The following RECK variants were observed in gnomAD, a reference collection of about 807,000 sequenced individuals.
RECK encodes reversion-inducing cysteine-rich protein with Kazal motifs.
In RECK, 69 loss-of-function variants were observed where a neutral mutation model predicts 115.1. The ratio of observed to expected loss-of-function variants is 0.60; its 90% CI spans 0.49 to 0.73. RECK has a LOEUF of 0.73. Among genes scored for constraint, RECK ranks in the 30% least tolerant of loss-of-function variants. The pLI, the probability that RECK is intolerant of heterozygous loss-of-function variation, is 0.00. For missense variants in RECK, 1,047 were observed against 1,203.7 expected, an observed-to-expected ratio of 0.87 and a Z score of 1.93; for synonymous variants, 414 against 419.7, an observed-to-expected ratio of 0.99 and a Z score of 0.17.
At position 36,083,499 on chromosome 9, in the gene RECK, C is replaced by T. The variant is rs748071020; in HGVS notation, c.574C>T (p.Pro192Ser). 2 of 1,613,980 alleles carry T rather than the reference C, an allele frequency of 1.2e-6. No individual in the cohort carries two copies. Among genetic ancestry groups the T allele is most frequent in the East Asian group, 4.5e-5 (2 of 44,876 alleles). The change falls in exon 8 of 21, where the codon CCA becomes TCA. Residue 192 changes from proline to serine, a missense_variant. Physicochemically the swap from Pro to Ser is moderately conservative, Grantham distance 74. Coordinates refer to ENST00000377966, the MANE Select transcript of RECK (RefSeq NM_021111.3). ...AVENYCASISPQLIHCVNNYT... is the reference protein window; with the variant it reads ...AVENYCASISSQLIHCVNNYT... ...GGAAAATTATTGCGCCTCTATTAGT[C>T]CACAATTAATACATTGTGTGAACAA...
intron 16 of RECK, among the ~76,000 whole-genome samples, chr9:36,116,469 G>A (rs1824272011): frequency 2.0e-5 from 3 of 152,164 alleles, no homozygotes; most frequent in Admixed American, 6.5e-5. Context: ...CAAGCTGAAA[G>A]TTAAGCCCGT....
At chr9:36,064,352 T>C (rs1304358285) in intron 5 of RECK, among the ~76,000 whole-genome samples, 1 of 152,210 alleles carries the variant, frequency 6.6e-6, no homozygotes, top group African/African-American at 2.4e-5. Context: ...TTATTACTTA[T>C]CTTTGATTTG....
At chr9:36,104,509 A>AG (rs1396171111) in intron 12 of RECK, among the ~76,000 whole-genome samples, 2 of 140,434 alleles carry the variant, frequency 1.4e-5, no homozygotes, top group African/African-American at 2.7e-5. Flanking sequence ...GCTAAATTTG[A>AG]GGGGGGGCTT....
Position 36,123,120 on chromosome 9 carries a change from T to C in RECK, c.*75T>C, listed in dbSNP as rs1249564999. On this transcript the variant is annotated 3_prime_UTR_variant, in exon 21 of 21. Transcript: ENST00000377966. ...AAAAAGACATTCAGGACTGCTGGTT[T>C]GTAGTTGAATATTGGCCAAGGAAAG... 3 of 1,210,474 alleles carry C rather than the reference T, an allele frequency of 2.5e-6. No homozygotes were observed. The highest frequency in any genetic ancestry group is 3.5e-6 in the Non-Finnish European group (3 of 854,990). 75.0% of individuals were successfully genotyped at this position (1,210,474 alleles called of 1,614,324 possible).
At chr9:36,041,805 C>A (rs906544209) in intron 1 of RECK, among the ~76,000 whole-genome samples, 1 of 145,786 alleles carries the variant, frequency 6.9e-6, no homozygotes, top group Admixed American at 6.9e-5. Flanking sequence ...AGTTTCCACA[C>A]CCTCATAAAA....
chr9:36,106,357 C>T (rs1376936297), intron 13 of RECK, among the ~76,000 whole-genome samples: 1 of 151,534 alleles, frequency 6.6e-6, no homozygotes, highest in African/African-American at 2.4e-5. Context: ...GCCTCAGCCT[C>T]CCAAATAGCT....
chr9:36,060,794 A>C (rs1202982005), intron 4 of RECK, among the ~76,000 whole-genome samples: 1 of 152,064 alleles, frequency 6.6e-6, no homozygotes, highest in African/African-American at 2.4e-5. Context: ...GTGACTCTCA[A>C]ATCTAAATCA....
chr9:36,120,104 G>A (rs1301150604), intron 18 of RECK, among the ~76,000 whole-genome samples: 1 of 151,802 alleles, frequency 6.6e-6, no homozygotes, highest in Non-Finnish European at 1.5e-5. Flanking sequence ...GCATGGTGGC[G>A]GGCACCTGTA....
chr9:36,091,281 T>C lies in RECK; in HGVS notation c.1023T>C (p.Asp341=). ...VEVSMLTCLA[D]VREPCQLGCR... is the part of the protein sequence containing the mutation. ...TGTCCATGTTGACCTGTTTAGCGGA[T>C]GTCCGGGAACCTTGCCAGTTGGGCT... is the stretch of plus-strand genomic sequence containing the variant. Residue 341 remains aspartate, a synonymous_variant, in exon 10 of 21, where the codon GAT becomes GAC. Coordinates refer to ENST00000377966, the MANE Select transcript of RECK (RefSeq NM_021111.3). 3 of 1,610,588 alleles carry C rather than the reference T, an allele frequency of 1.9e-6. No homozygotes were observed. Among genetic ancestry groups the C allele is most frequent in the Non-Finnish European group, 2.5e-6 (3 of 1,178,858 alleles).
chr9:36,042,528 GCTAAT>G, intron 1 of RECK, among the ~76,000 whole-genome samples: 1 of 150,030 alleles, frequency 6.7e-6, no homozygotes, highest in South Asian at 2.1e-4. Context: ...TTTTGCAATT[GCTAAT>G]TGTGCTGCTA....
intron 6 of RECK, among the ~76,000 whole-genome samples, chr9:36,079,661 G>A (rs1438204250): frequency 1.3e-5 from 2 of 152,138 alleles, no homozygotes; most frequent in African/African-American, 2.4e-5. Flanking sequence ...CAATATGGCT[G>A]CAATTAAAAG....
chr9:36,068,415 A>G (rs1485229375), intron 6 of RECK, among the ~76,000 whole-genome samples: 1 of 152,232 alleles, frequency 6.6e-6, no homozygotes, highest in Non-Finnish European at 1.5e-5. Flanking sequence ...CTATACTTAA[A>G]GGTACTAGTT....
chr9:36,122,075 A>G (rs1386260098), intron 20 of RECK, among the ~76,000 whole-genome samples: 1 of 152,208 alleles, frequency 6.6e-6, no homozygotes, highest in Non-Finnish European at 1.5e-5. Context: ...TAAAGCCAGA[A>G]AAGACTCCAG....
intron 2 of RECK, among the ~76,000 whole-genome samples, chr9:36,056,232 A>T (rs1230260418): frequency 7.3e-6 from 1 of 137,668 alleles, no homozygotes; most frequent in African/African-American, 2.4e-5. Flanking sequence ...GCTACAAATG[A>T]TATGTCATTT....
At chr9:36,040,901 TGTAAG>T (rs759046880) in intron 1 of RECK, among the ~76,000 whole-genome samples, 2 of 151,980 alleles carry the variant, frequency 1.3e-5, no homozygotes, top group African/African-American at 2.4e-5. Flanking sequence ...GGAGGAGGGT[TGTAAG>T]GTAAGGAAAG....
intron 6 of RECK, among the ~76,000 whole-genome samples, chr9:36,073,235 C>G (rs1193979041): frequency 1.8e-5 from 2 of 112,494 alleles, no homozygotes; most frequent in East Asian, 5.7e-4. Context: ...CACACAGACA[C>G]ACACAGACAC....
Position 36,112,389 on chromosome 9 carries a change from G to C in RECK, c.1973G>C (p.Cys658Ser). Residue 658 changes from cysteine to serine, a missense_variant, in exon 16 of 21, where the codon TGT becomes TCT. Coordinates refer to ENST00000377966, the MANE Select transcript of RECK (RefSeq NM_021111.3). ...TACCCCAGTGCCTGCATTGCTCGCT[G>C]TGTGGGCCTCCAAGACCATCAGTTT... ...RTYPSACIAR[C>S]VGLQDHQFEF... The C allele has an allele frequency of 6.2e-7, 1 of 1,614,068 alleles. No homozygotes were observed.
At position 36,082,152 on chromosome 9, in the gene RECK, T is replaced by TTCTCTCTCTGTCTCTC. The variant is rs1822729669; in HGVS notation, c.440-1204_440-1203insGTCTCTCTCTCTCTCT. 5.3e-5 allele frequency among the ~76,000 whole-genome samples: 6 copies of TTCTCTCTCTGTCTCTC among 113,714 alleles called. No homozygotes were observed. In the South Asian group the frequency reaches 2.4e-3, roughly 45 times the overall value. The allele number at this position is 113,714 out of a possible 152,430, so 74.6% of individuals were successfully genotyped here. Reference sequence around the variant, plus strand: ...AATTATCAAGAATTTCCTCCCTGCTTTCTCTCTCTCTCTCTCTCTCTCTCT... The same window carrying TTCTCTCTCTGTCTCTC: ...AATTATCAAGAATTTCCTCCCTGCTTTCTCTCTCTGTCTCTCTCTCTCTCTCTCTCTCTCTCTCTCT... On this transcript the variant is annotated intron_variant, in intron 7 of 20. Transcript: ENST00000377966.
chr9:36,063,681 C>A (rs1821873457), intron 4 of RECK, 114 bp from the exon 5 acceptor site: 5 of 862,536 alleles, frequency 5.8e-6, no homozygotes, highest in Non-Finnish European at 9.3e-6. Context: ...CTGTCTGAAC[C>A]AGTTTTCTTA....
Sources: gnomAD v4.1 joint callset for allele counts (sites outside exome capture counted in the v4.1 genomes callset) on GRCh38, gnomAD v4.1.1 for gene constraint, MANE v1.5 for transcripts, NCBI Gene and HGNC (gene_info 2026-07-23, HGNC 2026-07-21) for gene names.